MRAP2: variants seen among roughly 807,000 people sequenced by gnomAD.
MRAP2 encodes the protein melanocortin 2 receptor accessory protein 2.
In MRAP2, 20 loss-of-function variants were observed where a neutral mutation model predicts 17.4. The ratio of observed to expected loss-of-function variants is 1.15; its 90% confidence interval spans 0.81 to 1.67. The LOEUF (loss-of-function observed/expected upper bound fraction) is 1.67. Among genes scored for constraint, MRAP2 ranks in the 40% most tolerant of loss-of-function variants. The probability of loss-of-function intolerance (pLI) is 0.00; values close to 1 mark genes in which losing one functional copy is unlikely to be tolerated. For synonymous variants in MRAP2, 96 were observed against 88.4 expected (o/e 1.09, Z -0.48); for missense variants, 238 against 240.0 (o/e 0.99, Z 0.05).
chr6:84,093,554 A>G (rs1168765549), downstream of MRAP2, among the ~76,000 whole-genome samples: 1 of 152,214 alleles, frequency 6.6e-6, no homozygotes, highest in Non-Finnish European at 1.5e-5. Context: ...TTTAGCTTGT[A>G]CACAAGGAAG....
At chr6:84,134,001 G>C in the MRAP2 span, among the ~76,000 whole-genome samples, 1 of 152,090 alleles carries the variant, frequency 6.6e-6, no homozygotes, top group African/African-American at 2.4e-5. Flanking sequence ...TTTCAGATGG[G>C]GGTTTTTTCT....
At chr6:84,136,846 G>A in the MRAP2 span, among the ~76,000 whole-genome samples, 1 of 152,152 alleles carries the variant, frequency 6.6e-6, no homozygotes, top group East Asian at 1.9e-4. Context: ...AACTGACCTT[G>A]GGTTCAATCA....
the MRAP2 span, among the ~76,000 whole-genome samples, chr6:84,096,177 A>T: frequency 6.6e-6 from 1 of 152,084 alleles, no homozygotes; most frequent in African/African-American, 2.4e-5. Flanking sequence ...CTCGTCTAGG[A>T]TACAGATGTT....
chr6:84,120,979 T>C, the MRAP2 span, among the ~76,000 whole-genome samples: 1 of 152,164 alleles, frequency 6.6e-6, no homozygotes, highest in African/African-American at 2.4e-5. Context: ...AGATTTAGTA[T>C]GACAAAATGC....
At chr6:84,077,706 T>C (rs2099497968) in intron 3 of MRAP2, among the ~76,000 whole-genome samples, 1 of 152,232 alleles carries the variant, frequency 6.6e-6, no homozygotes, top group Admixed American at 6.5e-5. Flanking sequence ...TGTAGTAATA[T>C]AGTGATTTTT....
At chr6:84,071,829 C>T (rs915577723) in intron 3 of MRAP2, among the ~76,000 whole-genome samples, 6 of 152,084 alleles carry the variant, frequency 3.9e-5, no homozygotes, top group African/African-American at 1.4e-4. Context: ...ACCTTGTCTT[C>T]GAGCTCTGAA....
intron 3 of MRAP2, among the ~76,000 whole-genome samples, chr6:84,076,109 G>T (rs1455047652): frequency 6.6e-6 from 1 of 151,616 alleles, no homozygotes; most frequent in African/African-American, 2.4e-5. Context: ...TCACCCAGGT[G>T]GCAGTGCAGT....
intron 1 of MRAP2, among the ~76,000 whole-genome samples, chr6:84,036,428 C>T (rs1050595043): frequency 8.5e-5 from 13 of 152,198 alleles, no homozygotes; most frequent in African/African-American, 2.4e-4. Context: ...CGGACCCTTG[C>T]GGTGAGTGTT....
At chr6:84,133,818 G>A in the MRAP2 span, among the ~76,000 whole-genome samples, 6 of 152,202 alleles carry the variant, frequency 3.9e-5, no homozygotes, top group African/African-American at 9.6e-5. Context: ...CTTCCTGGGT[G>A]AGGTGATGCC....
the MRAP2 span, among the ~76,000 whole-genome samples, chr6:84,111,917 CA>C: frequency 6.6e-5 from 10 of 152,122 alleles, no homozygotes; most frequent in African/African-American, 2.2e-4. Context: ...TATTGATTTG[CA>C]TATGTTGAAT....
At chr6:84,080,083 G>A (rs1252497172) in intron 3 of MRAP2, among the ~76,000 whole-genome samples, 1 of 151,820 alleles carries the variant, frequency 6.6e-6, no homozygotes, top group East Asian at 1.9e-4. Context: ...ACCCAGGCTG[G>A]AGTGCAGTGG....
Position 84,089,608 on chromosome 6 carries a change from A to G in MRAP2, c.*127A>G, listed in dbSNP as rs776574233. On this transcript the variant is annotated 3_prime_UTR_variant, in exon 4 of 4. Coordinates refer to ENST00000257776, the MANE Select transcript of MRAP2 (RefSeq NM_138409.4). ...GACATAGAGATAGAGACAGAGAGGC[A>G]GAGAAGAGACCCCTTTAGAAGAGAG... is the stretch of plus-strand genomic sequence containing the variant. 9 of 1,110,090 alleles carry G rather than the reference A, an allele frequency of 8.1e-6. No individual in the cohort carries two copies. The highest frequency in any genetic ancestry group is 1.2e-5 in the Non-Finnish European group (9 of 782,308). The allele number at this position is 1,110,090 out of a possible 1,614,324, so 68.8% of individuals were successfully genotyped here. A position where few individuals can be genotyped will look rare whatever the true frequency, so the allele number is the denominator to read the frequency against.
chr6:84,048,111 TGTG>T (rs2099489504), intron 1 of MRAP2, among the ~76,000 whole-genome samples: 1 of 152,182 alleles, frequency 6.6e-6, no homozygotes, highest in East Asian at 1.9e-4. Context: ...AGTCTCTGCT[TGTG>T]GTTCTTTTGT....
chr6:84,033,807 G>A lies in MRAP2; in HGVS notation c.-84G>A, dbSNP rs1204327545. 2.0e-6 allele frequency: 2 copies of A among 986,988 alleles called. No individual in the cohort carries two copies. The highest frequency in any genetic ancestry group is 4.5e-5 in the South Asian group (1 of 22,122). 61.1% of individuals were successfully genotyped at this position (986,988 alleles called of 1,614,324 possible). ...CCCTGGGCGGTGGGAGGCGGCGGCGGCGGCGGCGCTCGCGCACCTCGGAGG... is the reference window on the plus strand; with the variant it reads ...CCCTGGGCGGTGGGAGGCGGCGGCGACGGCGGCGCTCGCGCACCTCGGAGG... On this transcript the variant is annotated 5_prime_UTR_variant, in exon 1 of 4. Coordinates refer to ENST00000257776, the MANE Select transcript of MRAP2 (RefSeq NM_138409.4).
At chr6:84,039,458 G>A (rs947397209) in intron 1 of MRAP2, among the ~76,000 whole-genome samples, 1 of 152,164 alleles carries the variant, frequency 6.6e-6, no homozygotes, top group Non-Finnish European at 1.5e-5. Flanking sequence ...TGGAGAGGTG[G>A]AAACTGTGCA....
At chr6:84,051,685 C>T (rs78062793) in intron 1 of MRAP2, among the ~76,000 whole-genome samples, 5,080 of 152,174 alleles carry the variant, frequency 0.033, 273 homozygotes, top group African/African-American at 0.11. Flanking sequence ...ATCATACCAT[C>T]GCATTCCTAC....
downstream of MRAP2, among the ~76,000 whole-genome samples, chr6:84,095,614 A>G (rs1380807659): frequency 6.6e-6 from 1 of 152,212 alleles, no homozygotes; most frequent in Non-Finnish European, 1.5e-5. Context: ...GCCAAAATAT[A>G]TACTGTGTAT....
At chr6:84,128,933 C>G in the MRAP2 span, among the ~76,000 whole-genome samples, 1 of 149,744 alleles carries the variant, frequency 6.7e-6, no homozygotes, top group Admixed American at 6.8e-5. Context: ...TGAGTGAGAA[C>G]ATGCGGTGTT....
intron 3 of MRAP2, among the ~76,000 whole-genome samples, chr6:84,075,764 C>T (rs1162658698): frequency 1.3e-5 from 2 of 152,146 alleles, no homozygotes; most frequent in African/African-American, 2.4e-5. Flanking sequence ...ACTTAGGGGC[C>T]AGTGCAGGAT....
Sources: allele counts gnomAD v4.1 joint callset (sites outside exome capture counted in the v4.1 genomes callset), GRCh38; gene constraint gnomAD v4.1.1; transcripts MANE v1.5; gene names NCBI Gene and HGNC (gene_info 2026-07-23, HGNC 2026-07-21).